MID2: variants seen among roughly 807,000 people sequenced by gnomAD.
MID2 encodes midline 2.
A neutral mutation model predicts 46.1 loss-of-function variants in MID2; 13 were observed. The ratio of observed to expected loss-of-function variants is 0.28; its 90% CI spans 0.18 to 0.45. The LOEUF (loss-of-function observed/expected upper bound fraction) is 0.45, where lower values mean the gene tolerates loss of function less well. Ranked by LOEUF, MID2 falls within the 20% of genes least tolerant of loss-of-function variation. The pLI is 1.00. For synonymous variants in MID2, 199 were observed against 212.3 expected (o/e 0.94, Z 0.55); for missense variants, 431 against 575.4 (o/e 0.75, Z 2.57).
intron 2 of MID2, among the ~76,000 whole-genome samples, chrX:107,845,670 A>G (rs1655295923): frequency 9.1e-6 from 1 of 110,351 alleles, no homozygotes; most frequent in Non-Finnish European, 1.9e-5. Flanking sequence ...GTTGGAAAAT[A>G]TAGTGCTCTA....
chrX:107,893,709 T>G (rs775044954), intron 3 of MID2, among the ~76,000 whole-genome samples: 91 of 112,115 alleles, frequency 8.1e-4, no homozygotes, highest in African/African-American at 2.8e-3. Context: ...TAGACTTGAG[T>G]CTGTCTGGCT....
At chrX:107,903,937 T>A in intron 3 of MID2, 21 bp from the exon 4 acceptor site, 1 of 1,106,932 alleles carries the variant, frequency 9.0e-7, no homozygotes. Context: ...CACTGTGTAA[T>A]ACTCTGAAAT....
At chrX:107,833,324 C>T (rs887638995) in intron 1 of MID2, among the ~76,000 whole-genome samples, 1 of 110,305 alleles carries the variant, frequency 9.1e-6, no homozygotes, top group African/African-American at 3.3e-5. Flanking sequence ...CTCATTTGCT[C>T]CTTACCCCAA....
chrX:107,864,924 A>G (rs1931924415), intron 3 of MID2, among the ~76,000 whole-genome samples: 1 of 111,821 alleles, frequency 8.9e-6, no homozygotes, highest in Admixed American at 9.5e-5. Flanking sequence ...AGTTTACCCT[A>G]TCTCAGCCAG....
chrX:107,847,607 G>C (rs1931521098), intron 2 of MID2, among the ~76,000 whole-genome samples: 1 of 111,868 alleles, frequency 8.9e-6, no homozygotes, highest in Admixed American at 9.5e-5. Context: ...AGGGGTGGCA[G>C]TTTTTTGGGG....
chrX:107,883,348 A>C (rs1225840996), intron 3 of MID2, among the ~76,000 whole-genome samples: 1 of 111,660 alleles, frequency 9.0e-6, no homozygotes, highest in Admixed American at 9.5e-5. Context: ...CTTAAAGTAT[A>C]ATTTAAAAAA....
intron 3 of MID2, among the ~76,000 whole-genome samples, chrX:107,884,834 TCA>T (rs1375006740): frequency 9.0e-6 from 1 of 111,622 alleles, no homozygotes; most frequent in African/African-American, 3.3e-5. Context: ...TCTCTAGATC[TCA>T]GTTTCCTCAT....
At chrX:107,894,539 AAAGAG>A (rs1932675927) in intron 3 of MID2, 1 of 112,174 alleles carries the variant, frequency 8.9e-6, no homozygotes, top group South Asian at 3.7e-4. Flanking sequence ...AAATAAAATG[AAAGAG>A]AAATTTGTCT....
At chrX:107,883,927 G>C (rs934346344) in intron 3 of MID2, among the ~76,000 whole-genome samples, 4 of 112,396 alleles carry the variant, frequency 3.6e-5, no homozygotes, top group Non-Finnish European at 7.5e-5. Context: ...AATATATTCA[G>C]ACCAAAGTAG....
Position 107,926,305 on chromosome X carries a change from A to G in MID2, c.1805+4A>G. 4 of 1,186,970 alleles carry G rather than the reference A, an allele frequency of 3.4e-6. No individual in the cohort carries two copies. The highest frequency in any genetic ancestry group is 4.6e-6 in the Non-Finnish European group (4 of 875,895). On this transcript the variant is annotated splice_donor_region_variant and intron_variant, in intron 9 of 9. Transcript: ENST00000262843. ...TGGTCATGGGTTCCTCAACATGGTG[A>G]GTGGATCCCATTTTCCTTTTCTTTT...
At chrX:107,863,800 T>C (rs941977310) in intron 3 of MID2, among the ~76,000 whole-genome samples, 18 of 112,620 alleles carry the variant, frequency 1.6e-4, no homozygotes, top group Admixed American at 1.4e-3. Context: ...CACACAGCCA[T>C]TGAGATGTCC....
chrX:107,923,746 C>A (rs952482008), intron 7 of MID2, among the ~76,000 whole-genome samples: 4 of 111,571 alleles, frequency 3.6e-5, no homozygotes, highest in Non-Finnish European at 1.9e-5. Flanking sequence ...TGTTGTTCAC[C>A]CCATGAACTG....
chrX:107,855,048 T>C (rs1418650584), intron 3 of MID2, among the ~76,000 whole-genome samples: 1 of 111,145 alleles, frequency 9.0e-6, no homozygotes, highest in Non-Finnish European at 1.9e-5. Context: ...TGGAGTGTCA[T>C]AGGGAAGTTG....
intron 3 of MID2, among the ~76,000 whole-genome samples, chrX:107,894,196 CTT>C (rs1033247369): frequency 9.5e-6 from 1 of 105,148 alleles, no homozygotes. Flanking sequence ...GTGTCCTATC[CTT>C]TTTTTTTTTA....
chrX:107,861,284 A>G (rs768239826), intron 3 of MID2, among the ~76,000 whole-genome samples: 14 of 111,833 alleles, frequency 1.3e-4, no homozygotes, highest in Non-Finnish European at 2.6e-4. Context: ...AAATATGAAG[A>G]TGGAACATAA....
Position 107,926,199 on chromosome X carries a change from C to A in MID2, c.1703C>A (p.Thr568Asn). Residue 568 changes from threonine to asparagine, a missense_variant, in exon 9 of 10, where the codon ACC becomes AAC. Transcript: ENST00000262843. ...KDESSLKKSHTPERFSGTGCY... is the reference protein window; with the variant it reads ...KDESSLKKSHNPERFSGTGCY... ...GAAAGCTCTCTAAAGAAGAGCCACA[C>A]CCCAGAGAGGTTTAGTGGCACAGGG... The A allele has an allele frequency of 6.6e-6, 8 of 1,207,804 alleles. No homozygotes were observed. The highest frequency in any genetic ancestry group is 9.0e-6 in the Non-Finnish European group (8 of 892,516).
At chrX:107,907,976 A>G (rs1284607222) in intron 5 of MID2, among the ~76,000 whole-genome samples, 1 of 111,791 alleles carries the variant, frequency 8.9e-6, no homozygotes, top group Non-Finnish European at 1.9e-5. Context: ...GGTAGATACT[A>G]CTTTTATCCC....
chrX:107,829,140 T>G (rs928619906), intron 1 of MID2, among the ~76,000 whole-genome samples: 2 of 112,203 alleles, frequency 1.8e-5, no homozygotes, highest in Admixed American at 9.4e-5. Flanking sequence ...AGTCCAAGTG[T>G]TGGGATTACA....
chrX:107,918,259 G>A (rs1205033916), intron 7 of MID2, among the ~76,000 whole-genome samples: 1 of 111,025 alleles, frequency 9.0e-6, no homozygotes, highest in Non-Finnish European at 1.9e-5. Flanking sequence ...CTGGTGAATT[G>A]GAGCAAGACA....
Sources: gnomAD v4.1 joint callset for allele counts (sites outside exome capture counted in the v4.1 genomes callset) on GRCh38, gnomAD v4.1.1 for gene constraint, MANE v1.5 for transcripts, NCBI Gene and HGNC (gene_info 2026-07-23, HGNC 2026-07-21) for gene names.